Variants in TMEM39A observed in about 807,000 individuals in gnomAD.
TMEM39A encodes transmembrane protein 39A.
In TMEM39A, 19 loss-of-function variants were observed where a neutral mutation model predicts 51.9. The ratio of observed to expected loss-of-function variants is 0.37; its 90% CI spans 0.26 to 0.54. The LOEUF is 0.54. TMEM39A is among the 20% of genes least tolerant of loss of function. The pLI, the probability that TMEM39A is intolerant of heterozygous loss-of-function variation, is 0.88. For synonymous variants in TMEM39A, 197 were observed against 220.2 expected, an observed-to-expected ratio of 0.89 and a Z score of 0.93; for missense variants, 433 against 590.5, an observed-to-expected ratio of 0.73 and a Z score of 2.76.
chr3:119,434,551 C>T (rs1366326800), intron 8 of TMEM39A, among the ~76,000 whole-genome samples: 1 of 152,104 alleles, frequency 6.6e-6, no homozygotes, highest in Non-Finnish European at 1.5e-5. Context: ...ACCAGCTAAG[C>T]TACTGAAACT....
chr3:119,431,879 A>G lies in TMEM39A; in HGVS notation c.*102T>C. ...CCCGACTTTCAAAACATAATAGTAT[A>G]CAAAATATAAAATATCTTAAATATT... On this transcript the variant is annotated 3_prime_UTR_variant, in exon 9 of 9. Coordinates refer to ENST00000319172, the MANE Select transcript of TMEM39A (RefSeq NM_018266.3). 1.2e-6 allele frequency: 1 copy of G among 817,678 alleles called. No homozygotes were observed. The highest frequency in any genetic ancestry group is 3.3e-5 in the Admixed American group (1 of 30,754). The allele number at this position is 817,678 out of a possible 1,614,324, so 50.7% of individuals were successfully genotyped here. A position where few individuals can be genotyped will look rare whatever the true frequency, so the allele number is the denominator to read the frequency against.
At chr3:119,451,745 G>A (rs1464804892) in intron 4 of TMEM39A, among the ~76,000 whole-genome samples, 1 of 139,696 alleles carries the variant, frequency 7.2e-6, no homozygotes. Flanking sequence ...CAGGAAAATC[G>A]CTTGTACCCA....
rs1296939916 is a variant in TMEM39A, at chr3:119,436,791, A to G, written c.1112T>C (p.Ile371Thr). Residue 371 changes from isoleucine (I) to threonine (T), a missense_variant and splice_region_variant, in exon 7 of 9, where the codon ATT becomes ACT. This residue lies in a region of TMEM39A where 223 missense variants were observed against 328.1 expected (regional missense o/e 0.68). Coordinates refer to ENST00000319172, the MANE Select transcript of TMEM39A (RefSeq NM_018266.3). Reference sequence around the variant, plus strand: ...TGGTTTTACCCTCTAGCTTACTCACATGTGCTGTGGAGCATTGCTGTAGGA... The same window carrying G: ...TGGTTTTACCCTCTAGCTTACTCACGTGTGCTGTGGAGCATTGCTGTAGGA... ...HGSYSNAPQH[I>T]WSENTIWPQG... 6.2e-7 allele frequency: 1 copy of G among 1,610,910 alleles called. No individual in the cohort carries two copies. The highest frequency in any genetic ancestry group is 8.5e-7 in the Non-Finnish European group (1 of 1,177,974).
chr3:119,458,431 C>T (rs532662666), intron 2 of TMEM39A, among the ~76,000 whole-genome samples, 191 bp from the exon 3 acceptor site: 1 of 152,330 alleles, frequency 6.6e-6, no homozygotes, highest in South Asian at 2.1e-4. Flanking sequence ...CCTCCATTAT[C>T]TCCTACATGA....
intron 8 of TMEM39A, among the ~76,000 whole-genome samples, chr3:119,432,963 C>G (rs1238266342): frequency 2.0e-5 from 3 of 152,142 alleles, no homozygotes; most frequent in African/African-American, 7.2e-5. Flanking sequence ...AAATTCTCCA[C>G]TTTAAAAGGC....
intron 2 of TMEM39A, among the ~76,000 whole-genome samples, chr3:119,459,538 C>T (rs1357889721): frequency 6.6e-6 from 1 of 152,214 alleles, no homozygotes; most frequent in African/African-American, 2.4e-5. Context: ...AAGATTCTCC[C>T]TCAATCAGGA....
At position 119,458,299 on chromosome 3, in the gene TMEM39A, A is replaced by G. The variant is rs2081292492; in HGVS notation, c.114-59T>C. The G allele has an allele frequency of 2.7e-6, 4 of 1,460,460 alleles. No individual in the cohort carries two copies. In the African/African-American group the frequency reaches 5.6e-5, roughly 20 times the overall value. The allele number at this position is 1,460,460 out of a possible 1,614,324, so 90.5% of individuals were successfully genotyped here. A position where few individuals can be genotyped will look rare whatever the true frequency, so the allele number is the denominator to read the frequency against. On this transcript the variant is annotated intron_variant, in intron 2 of 8. Transcript: ENST00000319172. Reference sequence around the variant, plus strand: ...GATAACCTCCAGTATCACAGAACATAAAGGGCTCCTGCTGTCTCCTCCATC... The same window carrying G: ...GATAACCTCCAGTATCACAGAACATGAAGGGCTCCTGCTGTCTCCTCCATC...
At chr3:119,455,355 G>A (rs1263214251) in intron 3 of TMEM39A, among the ~76,000 whole-genome samples, 1 of 152,100 alleles carries the variant, frequency 6.6e-6, no homozygotes, top group Non-Finnish European at 1.5e-5. Flanking sequence ...GTTACTCTTG[G>A]CTTCACAATC....
At position 119,446,811 on chromosome 3, in the gene TMEM39A, G is replaced by C. The variant is rs114564553; in HGVS notation, c.575+207C>G. The C allele has an allele frequency of 5.5e-3, 2,982 of 539,928 alleles. 65 individuals are homozygous for C. In the African/African-American group the frequency reaches 0.06, roughly 11 times the overall value. 33.4% of individuals were successfully genotyped at this position (539,928 alleles called of 1,614,324 possible). ...CACACCCTACATTCCAGGTTTCCCA[G>C]GACAGTCCTGGTTTATGCCTGTTGT... On this transcript the variant is annotated intron_variant, in intron 5 of 8. Transcript: ENST00000319172.
Position 119,438,112 on chromosome 3 carries a change from C to T in TMEM39A, c.576-9G>A. ...GAACATAAACACCAAACCTGTAAAA[C>T]AAAGTGTGAAAATGAGACCACAGAT... is the stretch of plus-strand genomic sequence containing the variant. On this transcript the variant is annotated splice_polypyrimidine_tract_variant and intron_variant, in intron 5 of 8. Coordinates refer to ENST00000319172, the MANE Select transcript of TMEM39A (RefSeq NM_018266.3). 3.8e-6 allele frequency: 6 copies of T among 1,573,420 alleles called. No homozygotes were observed. Among genetic ancestry groups the T allele is most frequent in the Non-Finnish European group, 5.2e-6 (6 of 1,151,232 alleles).
chr3:119,457,038 T>G (rs2081274812), intron 3 of TMEM39A, among the ~76,000 whole-genome samples: 1 of 151,942 alleles, frequency 6.6e-6, no homozygotes, highest in Admixed American at 6.6e-5. Flanking sequence ...CGGCTCGATT[T>G]CGGCTCACTG....
At chr3:119,434,646 T>C in intron 8 of TMEM39A, 116 bp downstream of exon 8, 2 of 1,429,334 alleles carry the variant, frequency 1.4e-6, no homozygotes, top group Non-Finnish European at 1.9e-6. Context: ...TAGCAATAAT[T>C]ACCATGTAAT....
intron 5 of TMEM39A, among the ~76,000 whole-genome samples, chr3:119,439,804 G>A (rs1387484814): frequency 6.6e-6 from 1 of 151,478 alleles, no homozygotes. Flanking sequence ...GTCTTACTCT[G>A]TCACCCAGAC....
chr3:119,457,034 G>T (rs993104349), intron 3 of TMEM39A, among the ~76,000 whole-genome samples: 1 of 149,836 alleles, frequency 6.7e-6, no homozygotes, highest in Admixed American at 6.7e-5. Flanking sequence ...GCAGCGGCTC[G>T]ATTTCGGCTC....
At chr3:119,460,470 A>G (rs1303198097) in intron 2 of TMEM39A, among the ~76,000 whole-genome samples, 3 of 152,130 alleles carry the variant, frequency 2.0e-5, no homozygotes, top group Non-Finnish European at 2.9e-5. Flanking sequence ...TCCTTTCCTC[A>G]TGATATTTTA....
intron 5 of TMEM39A, among the ~76,000 whole-genome samples, chr3:119,439,964 C>T (rs914134824): frequency 2.0e-5 from 3 of 152,106 alleles, no homozygotes; most frequent in African/African-American, 7.2e-5. Flanking sequence ...AACAGGGTCT[C>T]CCTATGTTGC....
At chr3:119,435,480 G>T in intron 7 of TMEM39A, 1 of 984,784 alleles carries the variant, frequency 1.0e-6, no homozygotes, top group Non-Finnish European at 1.2e-6. Context: ...TTTTATAGAG[G>T]TTTCTCTGGG....
In TMEM39A at chr3:119,429,120, C is replaced by A. The variant is rs1299320067; in HGVS notation, c.*2861G>T. ...AGTTAATGAACTCGAACATCACTAT[C>A]TCCGGCACCCAGCAGTGTTTGGCAT... is the stretch of plus-strand genomic sequence containing the variant. On this transcript the variant is annotated 3_prime_UTR_variant, in exon 9 of 9. Coordinates refer to ENST00000319172, the MANE Select transcript of TMEM39A (RefSeq NM_018266.3). Among the ~76,000 whole-genome samples the A allele has an allele frequency of 1.3e-5, 2 of 151,984 alleles. No homozygotes were observed. The highest frequency in any genetic ancestry group is 4.8e-5 in the African/African-American group (2 of 41,382).
At chr3:119,439,912 C>T (rs11713200) in intron 5 of TMEM39A, among the ~76,000 whole-genome samples, 50,562 of 151,864 alleles carry the variant, frequency 0.33, 9,203 homozygotes, top group East Asian at 0.61. Context: ...GGACTACAGG[C>T]GCATGCCATT....
Sources: allele counts gnomAD v4.1 joint callset (sites outside exome capture counted in the v4.1 genomes callset), GRCh38; gene constraint gnomAD v4.1.1; regional missense constraint gnomAD v4.1.1; transcripts MANE v1.5; gene names NCBI Gene and HGNC (gene_info 2026-07-23, HGNC 2026-07-21).